Variants in CNTNAP5 observed in about 807,000 individuals in gnomAD.
CNTNAP5 encodes the protein contactin associated protein family member 5.
CNTNAP5 carries 72 observed loss-of-function variants against 150.2 expected under a neutral mutation model. The ratio of observed to expected loss-of-function variants is 0.48; its 90% CI spans 0.40 to 0.58. The LOEUF (loss-of-function observed/expected upper bound fraction) is 0.58. CNTNAP5 is among the 20% of genes least tolerant of loss of function. CNTNAP5 has a pLI of 0.00. For synonymous variants in CNTNAP5, 672 were observed against 619.8 expected, an observed-to-expected ratio of 1.08 and a Z score of -1.25; for missense variants, 1,636 against 1,626.2, an observed-to-expected ratio of 1.01 and a Z score of -0.10.
intron 4 of CNTNAP5, among the ~76,000 whole-genome samples, chr2:124,424,974 C>T (rs1485922027): frequency 1.3e-5 from 2 of 152,186 alleles, no homozygotes; most frequent in Non-Finnish European, 2.9e-5. Context: ...GCTATTATTC[C>T]TGTGACCCAT....
chr2:124,594,744 C>T lies in CNTNAP5; in HGVS notation c.1757-15057C>T, dbSNP rs557847468. Among the ~76,000 whole-genome samples the T allele has an allele frequency of 2.6e-3, 347 of 132,218 alleles. 1 individual carries two copies. The highest frequency in any genetic ancestry group is 0.011 in the Middle Eastern group (3 of 264). 86.7% of individuals were successfully genotyped at this position (132,218 alleles called of 152,430 possible). ...ACCTTGGGCAGTATGGCCATTTTCA[C>T]GATATTGATTCTTCCTACCCATGAG... On this transcript the variant is annotated intron_variant, in intron 11 of 23. Coordinates refer to ENST00000682447, the MANE Select transcript of CNTNAP5 (RefSeq NM_001367498.1).
intron 1 of CNTNAP5, among the ~76,000 whole-genome samples, chr2:124,104,263 A>G (rs1683125343): frequency 1.3e-5 from 2 of 152,058 alleles, no homozygotes; most frequent in African/African-American, 4.8e-5. Flanking sequence ...CATCAACTCC[A>G]TACCTCACCA....
chr2:124,030,822 T>C (rs1324311619), intron 1 of CNTNAP5, among the ~76,000 whole-genome samples: 1 of 152,156 alleles, frequency 6.6e-6, no homozygotes, highest in Non-Finnish European at 1.5e-5. Flanking sequence ...TGTGAATCCC[T>C]TTCCTACACA....
At chr2:124,359,266 C>T (rs962887319) in intron 3 of CNTNAP5, among the ~76,000 whole-genome samples, 2 of 151,074 alleles carry the variant, frequency 1.3e-5, no homozygotes, top group African/African-American at 2.4e-5. Flanking sequence ...CTCCTGGATT[C>T]ATTGATTTTT....
At chr2:124,122,513 T>C (rs1396848353) in intron 1 of CNTNAP5, among the ~76,000 whole-genome samples, 1 of 152,162 alleles carries the variant, frequency 6.6e-6, no homozygotes, top group African/African-American at 2.4e-5. Flanking sequence ...ATTCTCTCCT[T>C]CTCTGTAACC....
At chr2:124,097,809 A>G (rs1229056770) in intron 1 of CNTNAP5, among the ~76,000 whole-genome samples, 1 of 152,138 alleles carries the variant, frequency 6.6e-6, no homozygotes, top group Admixed American at 6.5e-5. Flanking sequence ...CGGGAGGATC[A>G]CGAGGTCAGG....
intron 12 of CNTNAP5, among the ~76,000 whole-genome samples, chr2:124,615,271 AC>A (rs2104990017): frequency 6.6e-6 from 1 of 152,312 alleles, no homozygotes; most frequent in African/African-American, 2.4e-5. Flanking sequence ...ATAGCATTTC[AC>A]CCACAGTAGA....
intron 1 of CNTNAP5, among the ~76,000 whole-genome samples, chr2:124,163,191 G>A (rs1320113027): frequency 3.9e-5 from 6 of 152,054 alleles, no homozygotes; most frequent in Non-Finnish European, 8.8e-5. Context: ...GAGATCATGA[G>A]GAACTGGAAG....
chr2:124,441,408 C>G (rs754716639), intron 5 of CNTNAP5, among the ~76,000 whole-genome samples: 1 of 151,948 alleles, frequency 6.6e-6, no homozygotes, highest in Non-Finnish European at 1.5e-5. Context: ...ATGATAAATG[C>G]ATTCTTCAGT....
At chr2:124,590,849 T>C (rs562854442) in intron 11 of CNTNAP5, among the ~76,000 whole-genome samples, 390 of 152,332 alleles carry the variant, frequency 2.6e-3, no homozygotes, top group South Asian at 7.0e-3. Context: ...CTGACCTTGA[T>C]ACTTGAAAAG....
intron 11 of CNTNAP5, among the ~76,000 whole-genome samples, chr2:124,574,465 A>G (rs947304763): frequency 4.6e-5 from 7 of 152,228 alleles, no homozygotes; most frequent in South Asian, 2.1e-4. Flanking sequence ...CATAAACCAC[A>G]TAGTCCACAT....
chr2:124,790,498 G>C (rs1426217283), intron 18 of CNTNAP5, among the ~76,000 whole-genome samples: 2 of 152,164 alleles, frequency 1.3e-5, no homozygotes, highest in Non-Finnish European at 2.9e-5. Flanking sequence ...AAGAATTGTA[G>C]AATCTAGCCC....
chr2:124,088,443 T>C (rs1287769435), intron 1 of CNTNAP5, among the ~76,000 whole-genome samples: 1 of 152,212 alleles, frequency 6.6e-6, no homozygotes, highest in Non-Finnish European at 1.5e-5. Flanking sequence ...TTTTGATGTA[T>C]GCATTTATTG....
chr2:124,551,811 G>A (rs1234710206), intron 10 of CNTNAP5, among the ~76,000 whole-genome samples: 1 of 152,210 alleles, frequency 6.6e-6, no homozygotes, highest in African/African-American at 2.4e-5. Context: ...GGGAAATGGA[G>A]AAGAGGGAAA....
At chr2:124,231,181 C>A (rs867310262) in intron 2 of CNTNAP5, among the ~76,000 whole-genome samples, 5 of 152,118 alleles carry the variant, frequency 3.3e-5, no homozygotes, top group African/African-American at 7.2e-5. Context: ...GATCACTGAA[C>A]CTTTTGTTAT....
At chr2:124,312,457 C>CG (rs1558845620) in intron 3 of CNTNAP5, among the ~76,000 whole-genome samples, 1 of 152,078 alleles carries the variant, frequency 6.6e-6, no homozygotes, top group Non-Finnish European at 1.5e-5. Flanking sequence ...ACCCGCCCCC[C>CG]GGCTTCAAGT....
Position 124,025,382 on chromosome 2 carries a change from G to A in CNTNAP5, c.-269G>A, listed in dbSNP as rs1424837759. The A allele has an allele frequency of 3.8e-6, 2 of 520,018 alleles. No homozygotes were observed. The highest frequency in any genetic ancestry group is 3.4e-5 in the East Asian group (1 of 29,462). The allele number at this position is 520,018 out of a possible 1,614,324, so 32.2% of individuals were successfully genotyped here. A position where few individuals can be genotyped will look rare whatever the true frequency, so the allele number is the denominator to read the frequency against. The stretch of plus-strand genomic sequence containing the variant: ...GGGTTTGGATTTGCACCGTTAAGGA[G>A]GGGGGAAGAGAAGGAAGAGGCGGGC... On this transcript the variant is annotated 5_prime_UTR_variant, in exon 1 of 24. Coordinates refer to ENST00000682447, the MANE Select transcript of CNTNAP5 (RefSeq NM_001367498.1).
chr2:124,458,486 G>A (rs1010910785), intron 6 of CNTNAP5, among the ~76,000 whole-genome samples: 1 of 151,498 alleles, frequency 6.6e-6, no homozygotes, highest in Non-Finnish European at 1.5e-5. Flanking sequence ...CAAAGGCATG[G>A]GAAAGACACC....
intron 1 of CNTNAP5, among the ~76,000 whole-genome samples, chr2:124,123,681 G>T (rs1573770787): frequency 6.6e-6 from 1 of 152,248 alleles, no homozygotes; most frequent in Admixed American, 6.5e-5. Context: ...ACCTCATATG[G>T]CCAGGTGCCC....
Sources: gnomAD v4.1 joint callset for allele counts (sites outside exome capture counted in the v4.1 genomes callset) on GRCh38, gnomAD v4.1.1 for gene constraint, MANE v1.5 for transcripts, NCBI Gene and HGNC (gene_info 2026-07-23, HGNC 2026-07-21) for gene names.